Variants in SLC39A12 observed in about 807,000 individuals in gnomAD.
SLC39A12 encodes the protein zinc transporter ZIP12.
SLC39A12 carries 63 observed loss-of-function variants against 71.1 expected under a neutral mutation model. The ratio of observed to expected loss-of-function variants is 0.89; its 90% CI spans 0.72 to 1.09. SLC39A12 has a LOEUF of 1.09. Among genes scored for constraint, SLC39A12 ranks in the 50% least tolerant of loss-of-function variants. The probability of loss-of-function intolerance (pLI) is 0.00; values close to 1 mark genes in which losing one functional copy is unlikely to be tolerated. For missense variants in SLC39A12, 892 were observed against 812.6 expected (o/e 1.10, Z -1.19); for synonymous variants, 351 against 301.3 (o/e 1.16, Z -1.71).
intron 12 of SLC39A12, among the ~76,000 whole-genome samples, chr10:18,042,357 G>C (rs1837280589): frequency 6.6e-6 from 1 of 150,842 alleles, no homozygotes; most frequent in African/African-American, 2.4e-5. Context: ...CACGCACCTG[G>C]AAGGCTGAGG....
intron 6 of SLC39A12, among the ~76,000 whole-genome samples, chr10:17,987,278 A>G (rs2130818693): frequency 6.6e-6 from 1 of 152,288 alleles, no homozygotes; most frequent in East Asian, 1.9e-4. Flanking sequence ...GAGGCTACAG[A>G]GAGCTATGAT....
chr10:17,972,186 C>T (rs895284375), intron 4 of SLC39A12, among the ~76,000 whole-genome samples: 1 of 152,106 alleles, frequency 6.6e-6, no homozygotes, highest in Admixed American at 6.6e-5. Flanking sequence ...TCATTGTGGT[C>T]AGAGAAGATG....
intron 12 of SLC39A12, among the ~76,000 whole-genome samples, chr10:18,030,587 C>T (rs961167427): frequency 1.3e-5 from 2 of 150,610 alleles, no homozygotes; most frequent in African/African-American, 4.9e-5. Flanking sequence ...AGAACCAGTA[C>T]TGTGATATAT....
intron 12 of SLC39A12, among the ~76,000 whole-genome samples, chr10:18,016,753 G>A (rs1308243511): frequency 1.3e-5 from 2 of 152,088 alleles, no homozygotes; most frequent in African/African-American, 4.8e-5. Context: ...GGTGTATGGA[G>A]GTATTTCATT....
chr10:17,991,230 G>A lies in SLC39A12; in HGVS notation c.1349G>A (p.Gly450Glu). 6.3e-7 allele frequency: 1 copy of A among 1,599,150 alleles called. No individual in the cohort carries two copies. Among genetic ancestry groups the A allele is most frequent in the Non-Finnish European group, 8.5e-7 (1 of 1,174,298 alleles). ...ESKGHIWKLM[G>E]LIGGIHGFFL... ...AAAGGTCATATTTGGAAACTGATGGGATTAATTGGAGGCATCCATGGATTT... is the reference window on the plus strand; with the variant it reads ...AAAGGTCATATTTGGAAACTGATGGAATTAATTGGAGGCATCCATGGATTT... Residue 450 changes from glycine (G) to glutamate (E), a missense_variant, in exon 8 of 13, where the codon GGA (glycine) becomes GAA (glutamate). By Grantham distance (98) the Gly-to-Glu change is moderately conservative. Transcript: ENST00000377369.
At chr10:17,965,153 G>A (rs199512712) in intron 3 of SLC39A12, among the ~76,000 whole-genome samples, 3 of 152,098 alleles carry the variant, frequency 2.0e-5, no homozygotes, top group East Asian at 3.9e-4. Context: ...GTTGCAGTGA[G>A]TCAAAATCGT....
intron 12 of SLC39A12, among the ~76,000 whole-genome samples, chr10:18,021,096 A>T (rs1309320379): frequency 6.6e-6 from 1 of 151,782 alleles, no homozygotes; most frequent in African/African-American, 2.4e-5. Flanking sequence ...AGTTTTTGTA[A>T]TGCTAGGTTT....
intron 4 of SLC39A12, among the ~76,000 whole-genome samples, chr10:17,967,895 AAAAAT>A (rs1467711666): frequency 3.1e-4 from 36 of 116,862 alleles, no homozygotes; most frequent in Admixed American, 5.2e-4. Flanking sequence ...TCAAAAAAAA[AAAAAT>A]ATATATATAT....
intron 12 of SLC39A12, among the ~76,000 whole-genome samples, chr10:18,042,458 C>CAAA (rs1486442685): frequency 4.6e-4 from 14 of 30,734 alleles, no homozygotes; most frequent in East Asian, 7.2e-4. Context: ...GACCCTGCCT[C>CAAA]AAAAGAAAAA....
rs1451459361 is a variant in SLC39A12, at chr10:18,021,407, T to A, written c.1947+18049T>A. Among the ~76,000 whole-genome samples, 4 of 152,112 alleles carry A rather than the reference T, an allele frequency of 2.6e-5. No homozygotes were observed. The East Asian group carries it at 7.7e-4, about 29-fold the overall frequency. On this transcript the variant is annotated intron_variant, in intron 12 of 12. Coordinates refer to ENST00000377369, the MANE Select transcript of SLC39A12 (RefSeq NM_001145195.2). ...CATTTTTGATCAATCATTGTTGGCTTAAAGTCTGTTTTGTCTAAGATAAGA... is the reference window on the plus strand; with the variant it reads ...CATTTTTGATCAATCATTGTTGGCTAAAAGTCTGTTTTGTCTAAGATAAGA...
At chr10:18,033,315 C>G (rs1463842252) in intron 12 of SLC39A12, among the ~76,000 whole-genome samples, 3 of 149,510 alleles carry the variant, frequency 2.0e-5, no homozygotes, top group African/African-American at 7.4e-5. Context: ...TTGATTATTG[C>G]CACAATTTCA....
intron 12 of SLC39A12, among the ~76,000 whole-genome samples, chr10:18,009,005 G>A (rs920705163): frequency 5.9e-5 from 9 of 151,884 alleles, no homozygotes; most frequent in African/African-American, 2.2e-4. Flanking sequence ...TCCAGCGTTT[G>A]GATAAGAGAG....
rs188414815 is a variant in SLC39A12, at chr10:17,966,342, A to T, written c.751+652A>T. On this transcript the variant is annotated intron_variant, in intron 4 of 12. Transcript: ENST00000377369. The stretch of plus-strand genomic sequence containing the variant: ...TTGTTGTTTTTAGAGACAGGGTCTC[A>T]TTCTGTTGCCCAGACTCAAGTGCAG... Among the ~76,000 whole-genome samples the T allele has an allele frequency of 1.8e-3, 269 of 152,242 alleles. 5 individuals carry two copies. Among genetic ancestry groups the T allele is most frequent in the Middle Eastern group, 3.4e-3 (1 of 294 alleles).
chr10:18,024,352 G>A (rs1836616490), intron 12 of SLC39A12, among the ~76,000 whole-genome samples: 1 of 152,110 alleles, frequency 6.6e-6, no homozygotes, highest in East Asian at 1.9e-4. Context: ...ATGTCAGTCT[G>A]GAGGAACTGA....
At chr10:18,040,634 T>C (rs1409335039) in intron 12 of SLC39A12, among the ~76,000 whole-genome samples, 1 of 151,946 alleles carries the variant, frequency 6.6e-6, no homozygotes, top group African/African-American at 2.4e-5. Flanking sequence ...CCAAGCATGG[T>C]GGTGGATGCC....
chr10:18,041,548 A>G (rs1282110998), intron 12 of SLC39A12, among the ~76,000 whole-genome samples: 1 of 143,258 alleles, frequency 7.0e-6, no homozygotes, highest in Non-Finnish European at 1.5e-5. Context: ...ACACACACAC[A>G]CACACACACG....
intron 4 of SLC39A12, among the ~76,000 whole-genome samples, chr10:17,970,606 C>T (rs923527442): frequency 1.3e-5 from 2 of 151,384 alleles, no homozygotes; most frequent in East Asian, 1.9e-4. Flanking sequence ...TATAGAAATG[C>T]TACCGATTTT....
chr10:17,990,432 A>G (rs1193579018), intron 7 of SLC39A12, among the ~76,000 whole-genome samples: 1 of 152,198 alleles, frequency 6.6e-6, no homozygotes, highest in Admixed American at 6.5e-5. Context: ...GTAACATTCT[A>G]AATCTGGAAA....
chr10:18,030,610 TTATTTATTTATG>T (rs906995431), intron 12 of SLC39A12, among the ~76,000 whole-genome samples: 7 of 119,956 alleles, frequency 5.8e-5, no homozygotes, highest in African/African-American at 2.0e-4. Flanking sequence ...TTATTTTATT[TTATTTATTTATG>T]TATTTATTTA....
Sources: allele counts gnomAD v4.1 joint callset (sites outside exome capture counted in the v4.1 genomes callset), GRCh38; gene constraint gnomAD v4.1.1; transcripts MANE v1.5; gene names NCBI Gene and HGNC (gene_info 2026-07-23, HGNC 2026-07-21).